CRTAC1: variants seen among roughly 807,000 people sequenced by gnomAD.
CRTAC1 encodes the protein cartilage acidic protein 1, also known as acidic secreted protein in cartilage.
In CRTAC1, 37 loss-of-function variants were observed where a neutral mutation model predicts 67.8. The observed-to-expected ratio is 0.55, with a 90% CI of 0.42 to 0.72. The LOEUF is 0.72. Among genes scored for constraint, CRTAC1 ranks in the 30% least tolerant of loss-of-function variants. The pLI is 0.00. For synonymous variants in CRTAC1, 348 were observed against 371.0 expected, an observed-to-expected ratio of 0.94 and a Z score of 0.71; for missense variants, 780 against 931.6, an observed-to-expected ratio of 0.84 and a Z score of 2.12.
At chr10:97,907,374 A>G (rs1811962079) in intron 6 of CRTAC1, among the ~76,000 whole-genome samples, 1 of 147,794 alleles carries the variant, frequency 6.8e-6, no homozygotes, top group Admixed American at 6.8e-5. Flanking sequence ...AGGGCAGTCC[A>G]GGCAGAGGCC....
rs372586444 is a variant in CRTAC1, at chr10:97,906,113, T to G, written c.851-1299A>C. ...AGGGAGCTCTTGCCAGAAGGCAGGG[T>G]GGGGCCCCCTGAGAACCCTGGAGGC... On this transcript the variant is annotated intron_variant, in intron 6 of 14. Coordinates refer to ENST00000370597, the MANE Select transcript of CRTAC1 (RefSeq NM_018058.7). Among the ~76,000 whole-genome samples the G allele has an allele frequency of 3.3e-5, 5 of 151,876 alleles. No homozygotes were observed. The East Asian group carries it at 5.8e-4, about 18-fold the overall frequency.
intron 11 of CRTAC1, among the ~76,000 whole-genome samples, chr10:97,885,938 A>G (rs999042852): frequency 6.6e-6 from 1 of 152,246 alleles, no homozygotes; most frequent in Non-Finnish European, 1.5e-5. Context: ...ATTGCTGTTG[A>G]ATGTATATTC....
intron 2 of CRTAC1, among the ~76,000 whole-genome samples, chr10:97,997,266 AAT>A (rs1564928526): frequency 2.1e-5 from 3 of 140,642 alleles, no homozygotes. Context: ...TAATAATAAT[AAT>A]AAATAAAATA....
chr10:98,002,305 T>C (rs1236006399), intron 2 of CRTAC1, among the ~76,000 whole-genome samples: 1 of 152,214 alleles, frequency 6.6e-6, no homozygotes, highest in Non-Finnish European at 1.5e-5. Context: ...ATATAAATAC[T>C]CTTCACTACT....
rs543033237 is a variant in CRTAC1, at chr10:97,960,907, C to A, written c.225-24541G>T. On this transcript the variant is annotated intron_variant, in intron 2 of 14. Coordinates refer to ENST00000370597, the MANE Select transcript of CRTAC1 (RefSeq NM_018058.7). The stretch of plus-strand genomic sequence containing the variant: ...AGGCAGCCAGTGTTAGCTCCTGATC[C>A]CCACACTATGTCCTAAAAATGTATA... Among the ~76,000 whole-genome samples the A allele has an allele frequency of 4.2e-4, 64 of 152,322 alleles. 1 individual carries two copies. Among genetic ancestry groups the A allele is most frequent in the African/African-American group, 1.5e-3 (64 of 41,578 alleles).
chr10:97,956,055 C>T (rs1290599855), intron 2 of CRTAC1, among the ~76,000 whole-genome samples: 1 of 152,224 alleles, frequency 6.6e-6, no homozygotes, highest in African/African-American at 2.4e-5. Context: ...AAGGGAATCA[C>T]ACCTGCTTCT....
intron 2 of CRTAC1, among the ~76,000 whole-genome samples, chr10:97,999,883 C>A (rs1596192): frequency 6.6e-6 from 1 of 152,096 alleles, no homozygotes; most frequent in South Asian, 2.1e-4. Flanking sequence ...CTGCTGAGAG[C>A]GGCAGAGATG....
At chr10:97,881,674 T>C (rs1304918620) in intron 13 of CRTAC1, among the ~76,000 whole-genome samples, 14 of 152,188 alleles carry the variant, frequency 9.2e-5, no homozygotes, top group Admixed American at 8.5e-4. Flanking sequence ...CTGGAATTTC[T>C]ATGCACCTGC....
intron 1 of CRTAC1, among the ~76,000 whole-genome samples, chr10:98,015,449 T>C (rs1842978714): frequency 6.6e-6 from 1 of 152,156 alleles, no homozygotes; most frequent in Admixed American, 6.5e-5. Context: ...ACAACAATGT[T>C]AACGTACATA....
intron 2 of CRTAC1, among the ~76,000 whole-genome samples, chr10:97,963,014 G>A (rs2136644279): frequency 6.6e-6 from 1 of 152,142 alleles, no homozygotes; most frequent in Admixed American, 6.5e-5. Context: ...TTACAGCCAG[G>A]CGACACAACA....
intron 11 of CRTAC1, among the ~76,000 whole-genome samples, chr10:97,890,761 G>T (rs892949031): frequency 1.7e-4 from 25 of 151,152 alleles, no homozygotes; most frequent in African/African-American, 5.6e-4. Context: ...TCTGCCTCCT[G>T]GGTTCAAGTG....
intron 11 of CRTAC1, among the ~76,000 whole-genome samples, chr10:97,890,853 G>C (rs2050360524): frequency 6.6e-6 from 1 of 152,008 alleles, no homozygotes; most frequent in Non-Finnish European, 1.5e-5. Context: ...TTTTAGTAGA[G>C]ACGGGGTTTC....
intron 14 of CRTAC1, among the ~76,000 whole-genome samples, chr10:97,872,850 A>C (rs1171263818): frequency 6.6e-6 from 1 of 152,174 alleles, no homozygotes; most frequent in Non-Finnish European, 1.5e-5. Flanking sequence ...CCCAGTCCCC[A>C]GATGAACTCC....
chr10:97,935,191 C>A (rs534824601), intron 3 of CRTAC1, among the ~76,000 whole-genome samples: 2 of 152,272 alleles, frequency 1.3e-5, no homozygotes, highest in East Asian at 3.9e-4. Flanking sequence ...TGGCCTTGGG[C>A]AAGTCAGGTA....
At chr10:97,995,236 C>A (rs139374074) in intron 2 of CRTAC1, among the ~76,000 whole-genome samples, 2 of 152,164 alleles carry the variant, frequency 1.3e-5, no homozygotes, top group South Asian at 4.1e-4. Flanking sequence ...GGACCACAGT[C>A]TGGCCTGGCT....
rs1301110074 is a variant in CRTAC1 at position 97,936,230 on chromosome 10, C to T, written c.361G>A (p.Asp121Asn). ...TCCTCCCGGCCGTCCCCGTCGATGT[C>T]GCAGGCTGTGACCCCGATGGCGTTC... is the stretch of plus-strand genomic sequence containing the variant. The part of the protein sequence containing the change: ...QGNAIGVTAC[D>N]IDGDGREEIY... Residue 121 changes from aspartate to asparagine, a missense_variant, in exon 3 of 15, where the codon GAC (aspartate) becomes AAC (asparagine). By Grantham distance (23) the Asp-to-Asn change is conservative. Transcript: ENST00000370597. The T allele has an allele frequency of 3.1e-6, 5 of 1,614,094 alleles. No homozygotes were observed. The highest frequency in any genetic ancestry group is 4.2e-6 in the Non-Finnish European group (5 of 1,179,972).
At chr10:97,928,632 C>T (rs1193177638) in intron 3 of CRTAC1, among the ~76,000 whole-genome samples, 1 of 152,164 alleles carries the variant, frequency 6.6e-6, no homozygotes, top group Non-Finnish European at 1.5e-5. Context: ...GACAGTATGT[C>T]TGGGAGATGC....
intron 14 of CRTAC1, among the ~76,000 whole-genome samples, chr10:97,873,064 G>A (rs1054523434): frequency 2.0e-5 from 3 of 152,292 alleles, no homozygotes; most frequent in African/African-American, 7.2e-5. Flanking sequence ...TTATAGGCTC[G>A]AGGAAGCCTC....
chr10:97,983,462 G>A (rs1170030854), intron 2 of CRTAC1, among the ~76,000 whole-genome samples: 1 of 151,682 alleles, frequency 6.6e-6, no homozygotes, highest in Non-Finnish European at 1.5e-5. Context: ...AATAATCCAA[G>A]ACTGTCTTAG....
Sources: allele counts gnomAD v4.1 joint callset (sites outside exome capture counted in the v4.1 genomes callset), GRCh38; gene constraint gnomAD v4.1.1; transcripts MANE v1.5; gene names NCBI Gene and HGNC (gene_info 2026-07-23, HGNC 2026-07-21).